ADGRV1: variants seen among roughly 807,000 people sequenced by gnomAD.
ADGRV1 encodes the protein G-protein coupled receptor 98.
A neutral mutation model predicts 596.2 loss-of-function variants in ADGRV1; 359 were observed. That is an observed-to-expected ratio of 0.60 (90% confidence interval 0.55 to 0.66). ADGRV1 has a LOEUF of 0.66. Among genes scored for constraint, ADGRV1 ranks in the 30% least tolerant of loss-of-function variants. The probability of loss-of-function intolerance (pLI) is 0.00; values close to 1 mark genes in which losing one functional copy is unlikely to be tolerated. For missense variants in ADGRV1, 7,274 were observed against 7,575.6 expected (o/e 0.96, Z 1.48); for synonymous variants, 2,681 against 2,679.2 (o/e 1.00, Z -0.02).
chr5:90,990,642 G>C (rs900510558), intron 85 of ADGRV1, among the ~76,000 whole-genome samples: 3 of 152,174 alleles, frequency 2.0e-5, no homozygotes, highest in African/African-American at 7.2e-5. Flanking sequence ...ACGGCCCTGG[G>C]TTTGGAGACC....
At chr5:91,102,076 C>T (rs1421666480) in intron 86 of ADGRV1, 143 bp from the exon 87 acceptor site, 2 of 720,474 alleles carry the variant, frequency 2.8e-6, no homozygotes, top group East Asian at 2.9e-5. Flanking sequence ...TGCCTTCTCC[C>T]CTCTGGCATA....
At chr5:90,872,185 G>T (rs1289103331) in intron 83 of ADGRV1, among the ~76,000 whole-genome samples, 1 of 152,130 alleles carries the variant, frequency 6.6e-6, no homozygotes, top group Non-Finnish European at 1.5e-5. Flanking sequence ...GCCTGTAACT[G>T]TGCCTTTCCT....
rs1762390122 is a variant in ADGRV1, at chr5:90,810,983, A to G, written c.15723A>G (p.Ala5241=). 1 of 1,614,052 alleles carries G rather than the reference A, an allele frequency of 6.2e-7. No homozygotes were observed. The highest frequency in any genetic ancestry group is 8.5e-7 in the Non-Finnish European group (1 of 1,179,906). ...TGAAGAATGGCACATTCAACACTGC[A>G]GAAGTTCTTATCCGAAGAACTGGTG... ...EEMKNGTFNT[A]EVLIRRTGGF... The change falls in exon 74 of 90, where the codon GCA becomes GCG. Residue 5241 remains alanine, a synonymous_variant. Coordinates refer to ENST00000405460, the MANE Select transcript of ADGRV1 (RefSeq NM_032119.4).
intron 85 of ADGRV1, chr5:91,031,283 T>G (rs1784461605): frequency 1.5e-5 from 24 of 1,553,870 alleles, no homozygotes; most frequent in Non-Finnish European, 2.0e-5. Flanking sequence ...CTGTTGTAAG[T>G]CTCATTGATT....
At chr5:90,961,965 T>C (rs1354708164) in intron 83 of ADGRV1, among the ~76,000 whole-genome samples, 1 of 152,172 alleles carries the variant, frequency 6.6e-6, no homozygotes, top group East Asian at 1.9e-4. Flanking sequence ...TGAGAAACAG[T>C]GACCTAGAAT....
intron 83 of ADGRV1, among the ~76,000 whole-genome samples, chr5:90,874,466 A>G (rs1769025979): frequency 6.6e-6 from 1 of 151,908 alleles, no homozygotes; most frequent in Admixed American, 6.6e-5. Flanking sequence ...CCCCTTTCTA[A>G]TGGAATGTCA....
intron 45 of ADGRV1, among the ~76,000 whole-genome samples, chr5:90,722,591 A>G (rs930171790): frequency 4.6e-5 from 7 of 151,116 alleles, no homozygotes; most frequent in Non-Finnish European, 8.9e-5. Flanking sequence ...GCGCACGCCT[A>G]TAATCCCAGC....
chr5:90,808,846 A>G (rs1762150369), intron 73 of ADGRV1, among the ~76,000 whole-genome samples: 1 of 152,136 alleles, frequency 6.6e-6, no homozygotes, highest in African/African-American at 2.4e-5. Flanking sequence ...CAATGAACTG[A>G]GATCGCGCCA....
chr5:90,708,657 C>T lies in ADGRV1; in HGVS notation c.8731-159C>T, dbSNP rs73193259. ...TATACAACCAAGTATAAGTTTAATA[C>T]GTTTATGTTTATTTTTTCTAATTTA... On this transcript the variant is annotated intron_variant, in intron 38 of 89. Coordinates refer to ENST00000405460, the MANE Select transcript of ADGRV1 (RefSeq NM_032119.4). Among the ~76,000 whole-genome samples the T allele has an allele frequency of 0.015, 2,294 of 151,956 alleles. 19 individuals are homozygous for T. Among genetic ancestry groups the T allele is most frequent in the Middle Eastern group, 0.045 (13 of 292 alleles).
intron 70 of ADGRV1, among the ~76,000 whole-genome samples, chr5:90,797,846 TGAAGG>T (rs2150166086): frequency 6.6e-6 from 1 of 151,054 alleles, no homozygotes; most frequent in East Asian, 2.0e-4. Context: ...AATAACAAAA[TGAAGG>T]CAGAAATAAA....
intron 20 of ADGRV1, chr5:90,655,950 C>T (rs1769345115): frequency 6.6e-6 from 1 of 152,232 alleles, no homozygotes; most frequent in African/African-American, 2.4e-5. Flanking sequence ...ATACATATTT[C>T]ACAATTTTTC....
intron 21 of ADGRV1, among the ~76,000 whole-genome samples, chr5:90,668,617 G>T (rs577610811): frequency 1.3e-5 from 2 of 151,950 alleles, no homozygotes; most frequent in Non-Finnish European, 2.9e-5. Context: ...GTTCCTATTC[G>T]TCCATCTTGG....
At chr5:90,712,066 G>A (rs2149721151) in intron 41 of ADGRV1, among the ~76,000 whole-genome samples, 1 of 152,260 alleles carries the variant, frequency 6.6e-6, no homozygotes, top group East Asian at 1.9e-4. Flanking sequence ...GGGATTACAG[G>A]CGTGAGCCAA....
At chr5:90,736,866 T>C (rs1416616349) in intron 50 of ADGRV1, among the ~76,000 whole-genome samples, 1 of 151,860 alleles carries the variant, frequency 6.6e-6, no homozygotes, top group African/African-American at 2.4e-5. Flanking sequence ...TTTTTCTTAG[T>C]TGATGTAGCT....
At chr5:90,680,381 A>C (rs578231272) in intron 26 of ADGRV1, among the ~76,000 whole-genome samples, 2 of 152,114 alleles carry the variant, frequency 1.3e-5, no homozygotes, top group East Asian at 3.9e-4. Flanking sequence ...GAAAGAAACA[A>C]ATGGGAAAAA....
chr5:90,642,486 T>G (rs1054736412), intron 11 of ADGRV1, 150 bp from the exon 12 acceptor site: 3 of 733,102 alleles, frequency 4.1e-6, no homozygotes, highest in African/African-American at 1.8e-5. Context: ...CTTAAATGAT[T>G]TCAACACACG....
At chr5:91,025,421 C>G (rs1562106209) in intron 85 of ADGRV1, among the ~76,000 whole-genome samples, 1 of 151,952 alleles carries the variant, frequency 6.6e-6, no homozygotes, top group Non-Finnish European at 1.5e-5. Flanking sequence ...TGCATAACTA[C>G]TACCCAAAAA....
At chr5:90,692,576 T>C (rs749428999) in intron 31 of ADGRV1, 29 bp from the exon 32 acceptor site, 1 of 1,547,402 alleles carries the variant, frequency 6.5e-7, no homozygotes, top group South Asian at 1.2e-5. Context: ...ACTGTGATGC[T>C]GTTAAGGAAG....
In ADGRV1 at chr5:91,148,848, C is replaced by T. The variant is rs142639870; in HGVS notation, c.18433-1182C>T. On this transcript the variant is annotated intron_variant, in intron 87 of 89. Transcript: ENST00000405460. ...ACAGGGGTGGAGCTGTCCAAGGCCGCGGGAACCCACCTCTTGCATCAGCGT... is the reference window on the plus strand; with the variant it reads ...ACAGGGGTGGAGCTGTCCAAGGCCGTGGGAACCCACCTCTTGCATCAGCGT... Among the ~76,000 whole-genome samples the T allele has an allele frequency of 8.6e-3, 1,308 of 152,290 alleles. 57 individuals are homozygous for T. Among genetic ancestry groups the T allele is most frequent in the Admixed American group, 0.064 (975 of 15,300 alleles).
Sources: allele counts gnomAD v4.1 joint callset (sites outside exome capture counted in the v4.1 genomes callset), GRCh38; gene constraint gnomAD v4.1.1; transcripts MANE v1.5; gene names NCBI Gene and HGNC (gene_info 2026-07-23, HGNC 2026-07-21).